Variants in LRMDA observed in about 807,000 individuals in gnomAD.
LRMDA encodes the protein leucine rich melanocyte differentiation associated.
Under a neutral mutation model 29.8 loss-of-function variants are expected in LRMDA, and 18 were observed. That is an observed-to-expected ratio of 0.60 (90% CI 0.42 to 0.90). The LOEUF is 0.90. LRMDA is among the 40% of genes least tolerant of loss of function. LRMDA has a pLI of 0.00. For synonymous variants in LRMDA, 125 were observed against 109.4 expected (o/e 1.14, Z -0.89); for missense variants, 273 against 273.9 (o/e 1.00, Z 0.02).
intron 2 of LRMDA, among the ~76,000 whole-genome samples, chr10:75,718,150 A>G (rs1227089920): frequency 6.6e-6 from 1 of 152,202 alleles, no homozygotes; most frequent in Non-Finnish European, 1.5e-5. Flanking sequence ...TGTTGCCACA[A>G]TGATGCTGCT....
chr10:75,998,015 T>C (rs1230214050), intron 2 of LRMDA, among the ~76,000 whole-genome samples: 1 of 152,160 alleles, frequency 6.6e-6, no homozygotes, highest in Non-Finnish European at 1.5e-5. Flanking sequence ...CCACACCCTG[T>C]GTTGGCTGCA....
chr10:75,942,160 C>G (rs193218144), intron 2 of LRMDA, among the ~76,000 whole-genome samples: 284 of 152,244 alleles, frequency 1.9e-3, no homozygotes, highest in African/African-American at 6.7e-3. Flanking sequence ...CAGCGACGTG[C>G]AGCCCCTTCA....
intron 2 of LRMDA, among the ~76,000 whole-genome samples, chr10:75,448,295 G>T (rs1201544404): frequency 6.6e-6 from 1 of 152,232 alleles, no homozygotes; most frequent in East Asian, 1.9e-4. Context: ...GAATCTTGGG[G>T]TTTATTTTCC....
chr10:76,345,064 T>C (rs1467025004), intron 6 of LRMDA, among the ~76,000 whole-genome samples: 1 of 127,560 alleles, frequency 7.8e-6, no homozygotes, highest in African/African-American at 2.9e-5. Flanking sequence ...CAAAACCTTT[T>C]TTTTTTTTTT....
intron 2 of LRMDA, among the ~76,000 whole-genome samples, chr10:75,761,528 G>A (rs939404631): frequency 6.6e-6 from 1 of 152,138 alleles, no homozygotes; most frequent in African/African-American, 2.4e-5. Context: ...ATCAGGGGCT[G>A]GGGGACAGGG....
chr10:75,599,069 A>T (rs1177138010), intron 2 of LRMDA, among the ~76,000 whole-genome samples: 2 of 152,064 alleles, frequency 1.3e-5, no homozygotes, highest in East Asian at 3.9e-4. Context: ...TGGGAAGGTG[A>T]CACTTGAGGA....
At chr10:76,047,703 T>A (rs1212811998) in intron 4 of LRMDA, among the ~76,000 whole-genome samples, 1 of 152,220 alleles carries the variant, frequency 6.6e-6, no homozygotes. Flanking sequence ...ATTTCACCCA[T>A]GGGCTGTAAC....
At chr10:76,330,949 C>T (rs1177347916) in intron 6 of LRMDA, among the ~76,000 whole-genome samples, 3 of 152,134 alleles carry the variant, frequency 2.0e-5, no homozygotes, top group African/African-American at 7.2e-5. Context: ...AATCTTTTGC[C>T]TACTGCCTCT....
intron 6 of LRMDA, among the ~76,000 whole-genome samples, chr10:76,335,973 A>C (rs1840963302): frequency 6.6e-6 from 1 of 152,154 alleles, no homozygotes; most frequent in African/African-American, 2.4e-5. Context: ...TCAGTTTTTC[A>C]GGTTAACTTT....
intron 5 of LRMDA, among the ~76,000 whole-genome samples, chr10:76,059,102 T>C (rs771229104): frequency 1.3e-5 from 2 of 152,038 alleles, no homozygotes; most frequent in South Asian, 2.1e-4. Flanking sequence ...GAGGAAAGCA[T>C]TGGGCATGGG....
At chr10:76,045,552 T>G (rs563607677) in intron 3 of LRMDA, among the ~76,000 whole-genome samples, 1 of 152,106 alleles carries the variant, frequency 6.6e-6, no homozygotes, top group African/African-American at 2.4e-5. Flanking sequence ...TGCTCTCACC[T>G]AGGGTATAGC....
intron 5 of LRMDA, among the ~76,000 whole-genome samples, chr10:76,217,840 C>T (rs1393811831): frequency 6.6e-6 from 1 of 152,106 alleles, no homozygotes; most frequent in East Asian, 1.9e-4. Flanking sequence ...ACTTTTGTCA[C>T]CTGTTCCTGT....
chr10:76,217,479 G>A (rs975864133), intron 5 of LRMDA, among the ~76,000 whole-genome samples: 4 of 152,176 alleles, frequency 2.6e-5, no homozygotes, highest in Non-Finnish European at 4.4e-5. Flanking sequence ...GGTTATGAGA[G>A]TGATGAGTTC....
intron 2 of LRMDA, among the ~76,000 whole-genome samples, chr10:75,977,282 T>G (rs1413880459): frequency 6.6e-6 from 1 of 152,242 alleles, no homozygotes. Context: ...TTGCATGTGT[T>G]GCCTTTTACA....
At chr10:75,688,759 T>C (rs561606656) in intron 2 of LRMDA, among the ~76,000 whole-genome samples, 34 of 152,320 alleles carry the variant, frequency 2.2e-4, no homozygotes, top group African/African-American at 7.9e-4. Flanking sequence ...CACTGTTGTC[T>C]TTTTGTTAGA....
intron 2 of LRMDA, among the ~76,000 whole-genome samples, chr10:75,870,797 G>C (rs961950434): frequency 5.9e-5 from 9 of 152,180 alleles, no homozygotes; most frequent in African/African-American, 2.2e-4. Flanking sequence ...TAGCAAAATT[G>C]TGATATTTAC....
chr10:75,475,111 C>T (rs1844774106), intron 2 of LRMDA, among the ~76,000 whole-genome samples: 1 of 152,166 alleles, frequency 6.6e-6, no homozygotes. Context: ...TTGCTGGGGT[C>T]CTGGGAGAGC....
chr10:75,960,517 T>C (rs1846745577), intron 2 of LRMDA, among the ~76,000 whole-genome samples: 1 of 152,234 alleles, frequency 6.6e-6, no homozygotes, highest in Non-Finnish European at 1.5e-5. Flanking sequence ...GAGAAAACTT[T>C]ATATGCAGAA....
At chr10:75,923,385 G>C (rs1846058866) in intron 2 of LRMDA, among the ~76,000 whole-genome samples, 2 of 152,124 alleles carry the variant, frequency 1.3e-5, no homozygotes, top group Non-Finnish European at 2.9e-5. Flanking sequence ...CCGGTGATGG[G>C]TACCCTCAAA....
Sources: allele counts gnomAD v4.1 joint callset (sites outside exome capture counted in the v4.1 genomes callset), GRCh38; gene constraint gnomAD v4.1.1; transcripts MANE v1.5; gene names NCBI Gene and HGNC (gene_info 2026-07-23, HGNC 2026-07-21).